The following ST6GALNAC5 variants were observed in gnomAD, a reference collection of about 807,000 sequenced individuals.
ST6GALNAC5 encodes alpha-N-acetylgalactosaminide alpha-2,6-sialyltransferase 5.
Under a neutral mutation model 33.6 loss-of-function variants are expected in ST6GALNAC5, and 27 were observed. The observed-to-expected ratio is 0.80, with a 90% CI of 0.59 to 1.11. The LOEUF is 1.11. Among genes scored for constraint, ST6GALNAC5 ranks in the 50% least tolerant of loss-of-function variants. ST6GALNAC5 has a pLI of 0.00. For missense variants in ST6GALNAC5, 428 were observed against 454.0 expected (o/e 0.94, Z 0.52); for synonymous variants, 194 against 171.2 (o/e 1.13, Z -1.04).
intron 2 of ST6GALNAC5, among the ~76,000 whole-genome samples, chr1:76,905,588 C>T (rs1325507992): frequency 1.3e-5 from 2 of 152,178 alleles, no homozygotes; most frequent in East Asian, 3.9e-4. Context: ...GGACACTGTT[C>T]TTCAAATGGT....
At chr1:76,954,152 GAC>G (rs1293838125) in intron 2 of ST6GALNAC5, among the ~76,000 whole-genome samples, 1 of 151,960 alleles carries the variant, frequency 6.6e-6, no homozygotes, top group African/African-American at 2.4e-5. Context: ...TGATAGACTG[GAC>G]AAAAAAAATG....
At chr1:76,909,589 T>C (rs1646893001) in intron 2 of ST6GALNAC5, among the ~76,000 whole-genome samples, 1 of 151,984 alleles carries the variant, frequency 6.6e-6, no homozygotes, top group African/African-American at 2.4e-5. Flanking sequence ...AGTAAAATTG[T>C]TGCAAAAAGA....
chr1:77,062,245 G>T (rs923172806), intron 4 of ST6GALNAC5, among the ~76,000 whole-genome samples: 4 of 152,084 alleles, frequency 2.6e-5, no homozygotes, highest in African/African-American at 9.7e-5. Context: ...CAAGTAAACA[G>T]CAACAACAAT....
At chr1:76,975,815 G>A (rs1372801608) in intron 2 of ST6GALNAC5, among the ~76,000 whole-genome samples, 1 of 152,100 alleles carries the variant, frequency 6.6e-6, no homozygotes, top group Non-Finnish European at 1.5e-5. Context: ...GTGGGACTGG[G>A]CACGGTGGAT....
rs1403835176 is a variant in ST6GALNAC5 at position 77,065,563 on chromosome 1, T to TTACA, written c.*2358_*2361dup. 1 of 152,204 alleles carries TTACA rather than the reference T, an allele frequency of 6.6e-6. No individual in the cohort carries two copies. Among genetic ancestry groups the TTACA allele is most frequent in the Non-Finnish European group, 1.5e-5 (1 of 68,044 alleles). 9.4% of individuals were successfully genotyped at this position (152,204 alleles called of 1,614,324 possible). On this transcript the variant is annotated 3_prime_UTR_variant, in exon 5 of 5. Transcript: ENST00000477717. ...AATTACCACTTGCAAAGTGGTTTTATTACAGCGTTAAAGAAAATGACTAGA... is the reference window on the plus strand; with the variant it reads ...AATTACCACTTGCAAAGTGGTTTTATTACATACAGCGTTAAAGAAAATGACTAGA...
chr1:77,046,582 C>T (rs546833796), intron 3 of ST6GALNAC5, among the ~76,000 whole-genome samples: 1 of 152,310 alleles, frequency 6.6e-6, no homozygotes, highest in East Asian at 1.9e-4. Flanking sequence ...TGATCATCAT[C>T]TCCAGCTGCC....
chr1:76,907,540 A>G (rs1326612748), intron 2 of ST6GALNAC5, among the ~76,000 whole-genome samples: 1 of 152,178 alleles, frequency 6.6e-6, no homozygotes, highest in Non-Finnish European at 1.5e-5. Context: ...CTAGTGAGAG[A>G]AAGCCCTGCT....
chr1:77,005,526 G>GT (rs1245178262), intron 2 of ST6GALNAC5, among the ~76,000 whole-genome samples: 1 of 152,134 alleles, frequency 6.6e-6, no homozygotes, highest in African/African-American at 2.4e-5. Flanking sequence ...TCAGGTTTGG[G>GT]TTTTTTATGA....
intron 2 of ST6GALNAC5, among the ~76,000 whole-genome samples, chr1:77,039,259 T>C (rs1029505679): frequency 6.6e-6 from 1 of 152,228 alleles, no homozygotes; most frequent in African/African-American, 2.4e-5. Flanking sequence ...ACAGCTCTAA[T>C]GACCTTGGCA....
chr1:76,907,740 T>A (rs1434348172), intron 2 of ST6GALNAC5, among the ~76,000 whole-genome samples: 4 of 151,968 alleles, frequency 2.6e-5, no homozygotes, highest in Non-Finnish European at 4.4e-5. Flanking sequence ...CATGGAGGGG[T>A]CTTATAAGTG....
intron 2 of ST6GALNAC5, among the ~76,000 whole-genome samples, chr1:77,042,648 A>T (rs1651869803): frequency 6.6e-6 from 1 of 152,220 alleles, no homozygotes; most frequent in Non-Finnish European, 1.5e-5. Flanking sequence ...CTCCGCACTG[A>T]CCAATAATCC....
chr1:76,996,380 C>T (rs187270545), intron 2 of ST6GALNAC5, among the ~76,000 whole-genome samples: 3 of 151,764 alleles, frequency 2.0e-5, no homozygotes, highest in Admixed American at 6.5e-5. Flanking sequence ...ACTTCCAGGA[C>T]GCAAACAAGA....
At chr1:76,946,656 G>T (rs1389593130) in intron 2 of ST6GALNAC5, among the ~76,000 whole-genome samples, 1 of 152,064 alleles carries the variant, frequency 6.6e-6, no homozygotes, top group East Asian at 1.9e-4. Flanking sequence ...GTCCAGAGTG[G>T]TCTGTACATG....
intron 2 of ST6GALNAC5, among the ~76,000 whole-genome samples, chr1:76,994,148 TTA>T (rs1439788971): frequency 1.7e-4 from 26 of 152,232 alleles, no homozygotes; most frequent in Admixed American, 1.6e-3. Context: ...CACTGTTGAA[TTA>T]TGTTATAAAG....
chr1:76,911,489 T>C (rs1646910875), intron 2 of ST6GALNAC5, among the ~76,000 whole-genome samples: 1 of 152,170 alleles, frequency 6.6e-6, no homozygotes, highest in South Asian at 2.1e-4. Flanking sequence ...TCTCTTTTTC[T>C]ATTGATTGGA....
chr1:76,885,897 C>T (rs1331068448), intron 2 of ST6GALNAC5, among the ~76,000 whole-genome samples: 2 of 152,182 alleles, frequency 1.3e-5, no homozygotes, highest in African/African-American at 4.8e-5. Flanking sequence ...CCACTTTTCT[C>T]TAAATCCCTT....
intron 2 of ST6GALNAC5, among the ~76,000 whole-genome samples, chr1:77,022,124 T>C (rs1224997343): frequency 6.6e-6 from 1 of 152,202 alleles, no homozygotes; most frequent in Non-Finnish European, 1.5e-5. Flanking sequence ...AGAGTAGTGT[T>C]TTAATTATTC....
chr1:76,941,501 T>A (rs1647335070), intron 2 of ST6GALNAC5, among the ~76,000 whole-genome samples: 1 of 152,096 alleles, frequency 6.6e-6, no homozygotes, highest in Non-Finnish European at 1.5e-5. Flanking sequence ...CACTAGAACC[T>A]ATAAATGTAG....
chr1:77,050,399 C>T (rs758822317), intron 4 of ST6GALNAC5, 34 bp downstream of exon 4: 11 of 1,580,828 alleles, frequency 7.0e-6, no homozygotes, highest in East Asian at 4.5e-5. Context: ...AATCATCAGC[C>T]GTGTTGTGCA....
Sources: allele counts gnomAD v4.1 joint callset (sites outside exome capture counted in the v4.1 genomes callset), GRCh38; gene constraint gnomAD v4.1.1; transcripts MANE v1.5; gene names NCBI Gene and HGNC (gene_info 2026-07-23, HGNC 2026-07-21).